PALM2AKAP2: variants seen among roughly 807,000 people sequenced by gnomAD.
PALM2AKAP2 encodes PALM2-AKAP2 fusion protein.
PALM2AKAP2 carries 37 observed loss-of-function variants against 71.5 expected under a neutral mutation model. The observed-to-expected ratio is 0.52, with a 90% CI of 0.40 to 0.68. PALM2AKAP2 has a LOEUF of 0.68. Ranked by LOEUF, PALM2AKAP2 falls within the 30% of genes least tolerant of loss-of-function variation. PALM2AKAP2 has a pLI of 0.00. For synonymous variants in PALM2AKAP2, 468 were observed against 478.8 expected, an observed-to-expected ratio of 0.98 and a Z score of 0.29; for missense variants, 1,224 against 1,191.8, an observed-to-expected ratio of 1.03 and a Z score of -0.40.
chr9:109,820,501 A>G (rs73533247), intron 1 of PALM2AKAP2, among the ~76,000 whole-genome samples: 11,526 of 152,264 alleles, frequency 0.076, 1,187 homozygotes, highest in African/African-American at 0.24. Context: ...GGCAAAGGAG[A>G]TAAAATTGTT....
At chr9:109,705,274 A>G (rs563801239) in intron 1 of PALM2AKAP2, among the ~76,000 whole-genome samples, 1 of 152,282 alleles carries the variant, frequency 6.6e-6, no homozygotes, top group African/African-American at 2.4e-5. Flanking sequence ...CTTTTCCAAA[A>G]TGTACCTCCA....
chr9:109,928,866 C>T (rs1455132546), intron 5 of PALM2AKAP2, among the ~76,000 whole-genome samples: 1 of 152,030 alleles, frequency 6.6e-6, no homozygotes, highest in East Asian at 1.9e-4. Flanking sequence ...AGGGTTTCAC[C>T]ATGTTGGCCA....
upstream of PALM2AKAP2, among the ~76,000 whole-genome samples, chr9:109,780,146 T>A (rs1264261911): frequency 1.3e-5 from 2 of 150,254 alleles, no homozygotes; most frequent in African/African-American, 2.4e-5. Flanking sequence ...CACCGAGACG[T>A]CAGGGCGGAG....
intron 7 of PALM2AKAP2, among the ~76,000 whole-genome samples, chr9:110,040,876 A>G (rs1372874574): frequency 4.6e-5 from 7 of 152,204 alleles, no homozygotes; most frequent in African/African-American, 1.4e-4. Context: ...AGCTGTGTAC[A>G]TTCCAAGTAT....
At chr9:109,802,801 C>T (rs926852051) in intron 1 of PALM2AKAP2, among the ~76,000 whole-genome samples, 2 of 152,220 alleles carry the variant, frequency 1.3e-5, no homozygotes, top group African/African-American at 4.8e-5. Flanking sequence ...CTTTCCAGGG[C>T]TGCCTCCATC....
chr9:109,971,837 C>T (rs1219800362), intron 6 of PALM2AKAP2, among the ~76,000 whole-genome samples: 4 of 152,176 alleles, frequency 2.6e-5, no homozygotes, highest in African/African-American at 9.7e-5. Context: ...GCACACTACA[C>T]AGCCCCCACA....
At chr9:109,705,629 C>T (rs1208819402) in intron 1 of PALM2AKAP2, among the ~76,000 whole-genome samples, 3 of 152,180 alleles carry the variant, frequency 2.0e-5, no homozygotes, top group African/African-American at 7.2e-5. Context: ...AGGCACCTCC[C>T]TATGACTTAC....
chr9:109,682,796 C>A (rs1463129929), intron 1 of PALM2AKAP2, among the ~76,000 whole-genome samples: 3 of 152,204 alleles, frequency 2.0e-5, no homozygotes, highest in Non-Finnish European at 4.4e-5. Context: ...TGACTTCTTG[C>A]CTTTATTTCT....
intron 1 of PALM2AKAP2, among the ~76,000 whole-genome samples, chr9:109,859,291 G>GGA (rs1171164440): frequency 6.6e-6 from 1 of 152,174 alleles, no homozygotes; most frequent in East Asian, 1.9e-4. Context: ...GTGTAGTGGA[G>GGA]GATGAGAGAG....
chr9:110,049,865 C>T (rs1272857138), intron 1 of PALM2AKAP2, among the ~76,000 whole-genome samples: 1 of 152,228 alleles, frequency 6.6e-6, no homozygotes, highest in African/African-American at 2.4e-5. Context: ...CGGCGTGCAG[C>T]CGGGCTGCCG....
At chr9:109,890,632 A>C (rs1830066988) in intron 3 of PALM2AKAP2, among the ~76,000 whole-genome samples, 1 of 152,238 alleles carries the variant, frequency 6.6e-6, no homozygotes, top group Non-Finnish European at 1.5e-5. Flanking sequence ...AAAGGGTTAC[A>C]CACTAAGAGA....
At chr9:109,962,568 T>C (rs1170288249) in intron 6 of PALM2AKAP2, among the ~76,000 whole-genome samples, 1 of 152,138 alleles carries the variant, frequency 6.6e-6, no homozygotes, top group Non-Finnish European at 1.5e-5. Flanking sequence ...ATAAGTAAGA[T>C]ACTCAAAATC....
chr9:109,966,119 G>A (rs1831943132), intron 6 of PALM2AKAP2, among the ~76,000 whole-genome samples: 1 of 152,210 alleles, frequency 6.6e-6, no homozygotes, highest in Non-Finnish European at 1.5e-5. Context: ...GCCAGGCAGA[G>A]CAGAGGCACT....
chr9:110,100,051 CTATATATA>C (rs71373968), intron 1 of PALM2AKAP2, among the ~76,000 whole-genome samples: 1,359 of 109,470 alleles, frequency 0.012, 33 homozygotes, highest in African/African-American at 0.04. Flanking sequence ...GTATGTGTGT[CTATATATA>C]TATATATATA....
At chr9:109,848,100 A>G (rs1828913009) in intron 1 of PALM2AKAP2, among the ~76,000 whole-genome samples, 2 of 152,232 alleles carry the variant, frequency 1.3e-5, no homozygotes, top group Non-Finnish European at 2.9e-5. Context: ...GGTCACAAAC[A>G]TGCAGACACC....
At chr9:110,071,129 A>G (rs1228509659) in intron 1 of PALM2AKAP2, among the ~76,000 whole-genome samples, 1 of 135,196 alleles carries the variant, frequency 7.4e-6, no homozygotes, top group African/African-American at 2.8e-5. Flanking sequence ...ATGCCACTGC[A>G]CTCCAGCCTG....
At chr9:109,979,534 T>C (rs1832232353) in intron 6 of PALM2AKAP2, among the ~76,000 whole-genome samples, 1 of 152,240 alleles carries the variant, frequency 6.6e-6, no homozygotes, top group Non-Finnish European at 1.5e-5. Flanking sequence ...TCTTTGTACT[T>C]TCCATATTGA....
chr9:109,898,093 C>A (rs16914593), intron 3 of PALM2AKAP2, among the ~76,000 whole-genome samples: 1 of 152,180 alleles, frequency 6.6e-6, no homozygotes, highest in Non-Finnish European at 1.5e-5. Context: ...GTGGATTTCT[C>A]TCTTCTCAAA....
intron 1 of PALM2AKAP2, among the ~76,000 whole-genome samples, chr9:109,701,296 A>G (rs1486340953): frequency 6.6e-6 from 1 of 152,238 alleles, no homozygotes; most frequent in African/African-American, 2.4e-5. Flanking sequence ...GTCAATCCTA[A>G]GCCAAAAGAA....
Sources: allele counts gnomAD v4.1 joint callset (sites outside exome capture counted in the v4.1 genomes callset), GRCh38; gene constraint gnomAD v4.1.1; transcripts MANE v1.5; gene names NCBI Gene and HGNC (gene_info 2026-07-23, HGNC 2026-07-21).